KCNH1: variants seen among roughly 807,000 people sequenced by gnomAD.
KCNH1 encodes potassium voltage-gated channel subfamily H member 1.
A neutral mutation model predicts 69.2 loss-of-function variants in KCNH1; 27 were observed. The ratio of observed to expected loss-of-function variants is 0.39; its 90% CI spans 0.29 to 0.54. The LOEUF (loss-of-function observed/expected upper bound fraction) is 0.54, where lower values mean the gene tolerates loss of function less well. Among genes scored for constraint, KCNH1 ranks in the 20% least tolerant of loss-of-function variants. KCNH1 has a pLI of 0.68. For synonymous variants in KCNH1, 456 were observed against 487.7 expected, an observed-to-expected ratio of 0.93 and a Z score of 0.86; for missense variants, 798 against 1,261.6, an observed-to-expected ratio of 0.63 and a Z score of 5.57.
At chr1:210,883,977 C>T (rs1686549178) in intron 7 of KCNH1, among the ~76,000 whole-genome samples, 1 of 152,234 alleles carries the variant, frequency 6.6e-6, no homozygotes, top group Non-Finnish European at 1.5e-5. Context: ...ATGCTCTGGA[C>T]AATGATTCAT....
rs1558449234 is a variant in KCNH1, at chr1:210,740,703, A to AT, written c.2112+34644_2112+34645insA. Among the ~76,000 whole-genome samples, 5 of 135,526 alleles carry AT rather than the reference A, an allele frequency of 3.7e-5. No individual in the cohort carries two copies. In the Admixed American group the frequency reaches 3.7e-4, roughly 10 times the overall value. The allele number at this position is 135,526 out of a possible 152,430, so 88.9% of individuals were successfully genotyped here. On this transcript the variant is annotated intron_variant, in intron 10 of 10. Coordinates refer to ENST00000271751, the MANE Select transcript of KCNH1 (RefSeq NM_172362.3). ...AGTCTCTGATTAAATTTTATGATTA[A>AT]ATTTTTTTTTTTTTTTTTTTTTTTT... is the stretch of plus-strand genomic sequence containing the variant.
At chr1:210,861,289 AT>A in intron 7 of KCNH1, 1 of 892,056 alleles carries the variant, frequency 1.1e-6, no homozygotes, top group Non-Finnish European at 1.9e-6. Flanking sequence ...AAACTCCTTG[AT>A]TAATAGAATT....
intron 7 of KCNH1, among the ~76,000 whole-genome samples, chr1:210,883,704 T>C (rs1686542955): frequency 6.6e-6 from 1 of 152,242 alleles, no homozygotes; most frequent in South Asian, 2.1e-4. Context: ...TTGTAATGTG[T>C]AAAGAAAGAG....
rs1034285009 is a variant in KCNH1, at chr1:210,928,537, C to A, written c.1033-8468G>T. ...AACCAAACAACAATAGTGAAACAACCTATCAAAACCTCTGGAATACAGCAA... is the reference window on the plus strand; with the variant it reads ...AACCAAACAACAATAGTGAAACAACATATCAAAACCTCTGGAATACAGCAA... On this transcript the variant is annotated intron_variant, in intron 6 of 10. Coordinates refer to ENST00000271751, the MANE Select transcript of KCNH1 (RefSeq NM_172362.3). Among the ~76,000 whole-genome samples the A allele has an allele frequency of 1.4e-4, 22 of 152,154 alleles. 1 individual carries two copies. Among genetic ancestry groups the A allele is most frequent in the Middle Eastern group, 3.4e-3 (1 of 294 alleles).
rs567217880 is a variant in KCNH1 at position 211,118,634 on chromosome 1, C to T, written c.80-11257G>A. On this transcript the variant is annotated intron_variant, in intron 1 of 10. Transcript: ENST00000271751. ...ATTCTCTAAAAATTTAAAAGACTCC[C>T]TTCCTCCCCCTACTGTGTAAAGTTT... 5.9e-5 allele frequency among the ~76,000 whole-genome samples: 9 copies of T among 152,318 alleles called. 1 individual carries two copies. Among genetic ancestry groups the T allele is most frequent in the Middle Eastern group, 6.8e-3 (2 of 294 alleles).
At chr1:211,001,732 C>T (rs1571568488) in intron 6 of KCNH1, among the ~76,000 whole-genome samples, 3 of 152,194 alleles carry the variant, frequency 2.0e-5, no homozygotes, top group East Asian at 3.9e-4. Context: ...TATTGCGGCG[C>T]TATTCACAAT....
chr1:210,932,561 C>T (rs887925429), intron 6 of KCNH1, among the ~76,000 whole-genome samples: 2 of 151,962 alleles, frequency 1.3e-5, no homozygotes, highest in African/African-American at 2.4e-5. Context: ...AAAAGATACA[C>T]ATTGGATGAA....
chr1:210,940,111 T>A (rs981144059), intron 6 of KCNH1, among the ~76,000 whole-genome samples: 1 of 152,262 alleles, frequency 6.6e-6, no homozygotes, highest in Non-Finnish European at 1.5e-5. Context: ...CAGATTTTAT[T>A]GGAAGTTATT....
Position 210,940,028 on chromosome 1 carries a change from T to C in KCNH1, c.1033-19959A>G, listed in dbSNP as rs1687848937. Among the ~76,000 whole-genome samples, 3 of 152,216 alleles carry C rather than the reference T, an allele frequency of 2.0e-5. No individual in the cohort carries two copies. The South Asian group carries it at 6.2e-4, about 32-fold the overall frequency. On this transcript the variant is annotated intron_variant, in intron 6 of 10. Transcript: ENST00000271751. ...AAACAGAGATGACTTCAAGAATAAA[T>C]ATTCCATGATGATCCCACTACTCTG...
At chr1:210,809,967 C>T (rs1684668125) in intron 7 of KCNH1, among the ~76,000 whole-genome samples, 1 of 152,140 alleles carries the variant, frequency 6.6e-6, no homozygotes, top group South Asian at 2.1e-4. Context: ...AATTTTATTT[C>T]TAGTTCTCAC....
chr1:210,859,676 C>G, intron 7 of KCNH1: 1 of 1,293,744 alleles, frequency 7.7e-7, no homozygotes, highest in Non-Finnish European at 1.1e-6. Context: ...CTTTTTAATC[C>G]ATTAAATAAA....
At chr1:210,809,449 G>A (rs964516122) in intron 7 of KCNH1, among the ~76,000 whole-genome samples, 2 of 152,154 alleles carry the variant, frequency 1.3e-5, no homozygotes, top group Non-Finnish European at 2.9e-5. Flanking sequence ...AGACAAAGAT[G>A]TATGGTGAAT....
intron 5 of KCNH1, among the ~76,000 whole-genome samples, chr1:211,025,731 C>T (rs1689671205): frequency 6.6e-6 from 1 of 152,104 alleles, no homozygotes; most frequent in African/African-American, 2.4e-5. Context: ...CTGGCTTCGA[C>T]AGAATCCATG....
intron 3 of KCNH1, among the ~76,000 whole-genome samples, chr1:211,093,826 G>A (rs12735839): frequency 0.21 from 32,156 of 152,018 alleles, 3,586 homozygotes; most frequent in Non-Finnish European, 0.23. Flanking sequence ...TCTGGGAGAC[G>A]AGAGCTGGAT....
chr1:210,862,371 G>A lies in KCNH1; in HGVS notation c.1462+57269C>T, dbSNP rs74641398. ...ACTGCACACATGGACCTGCCGCAGC[G>A]GCAACTGGCGCAAAAGGGCAATGGT... On this transcript the variant is annotated intron_variant, in intron 7 of 10. Transcript: ENST00000271751. 2,960 of 639,364 alleles carry A rather than the reference G, an allele frequency of 4.6e-3. 48 individuals are homozygous for A. The highest frequency in any genetic ancestry group is 0.042 in the African/African-American group (2,294 of 55,126). The allele number at this position is 639,364 out of a possible 1,614,324, so 39.6% of individuals were successfully genotyped here.
chr1:210,755,738 G>A (rs769737435), intron 10 of KCNH1, among the ~76,000 whole-genome samples: 2 of 152,090 alleles, frequency 1.3e-5, no homozygotes, highest in African/African-American at 4.8e-5. Flanking sequence ...TTATTTCTCA[G>A]TGCACCTTTC....
intron 7 of KCNH1, among the ~76,000 whole-genome samples, chr1:210,808,714 G>C (rs947093375): frequency 1.3e-5 from 2 of 151,926 alleles, no homozygotes; most frequent in African/African-American, 4.8e-5. Context: ...TATATGAAGG[G>C]GGATTACATG....
intron 6 of KCNH1, among the ~76,000 whole-genome samples, chr1:210,959,691 A>C (rs1490850372): frequency 6.6e-6 from 1 of 152,210 alleles, no homozygotes; most frequent in Non-Finnish European, 1.5e-5. Flanking sequence ...GCAAGGCTCC[A>C]TGGGCATGGG....
intron 6 of KCNH1, among the ~76,000 whole-genome samples, chr1:210,988,446 T>A (rs551761871): frequency 8.5e-5 from 13 of 152,256 alleles, no homozygotes; most frequent in African/African-American, 3.1e-4. Context: ...CGAGAATACT[T>A]AAAGCTTTAT....
Sources: allele counts gnomAD v4.1 joint callset (sites outside exome capture counted in the v4.1 genomes callset), GRCh38; gene constraint gnomAD v4.1.1; transcripts MANE v1.5; gene names NCBI Gene and HGNC (gene_info 2026-07-23, HGNC 2026-07-21).